The following JAKMIP1 variants were observed in gnomAD, a reference collection of about 807,000 sequenced individuals.
JAKMIP1 encodes the protein janus kinase and microtubule-interacting protein 1.
In JAKMIP1, 33 loss-of-function variants were observed where a neutral mutation model predicts 113.0. The ratio of observed to expected loss-of-function variants is 0.29; its 90% CI spans 0.22 to 0.39. The LOEUF is 0.39. Ranked by LOEUF, JAKMIP1 falls within the 10% of genes least tolerant of loss-of-function variation. The pLI is 1.00. For missense variants in JAKMIP1, 813 were observed against 1,080.5 expected, an observed-to-expected ratio of 0.75 and a Z score of 3.47; for synonymous variants, 480 against 459.9, an observed-to-expected ratio of 1.04 and a Z score of -0.56.
chr4:6,159,080 T>G (rs1722592229), intron 1 of JAKMIP1, among the ~76,000 whole-genome samples: 1 of 109,426 alleles, frequency 9.1e-6, no homozygotes, highest in African/African-American at 3.5e-5. Context: ...CAGAGCAAGA[T>G]CCTGTCTCAA....
At position 6,185,008 on chromosome 4, in the gene JAKMIP1, T is replaced by TC. The variant is rs1270283183; in HGVS notation, c.-148+15244dup. On this transcript the variant is annotated intron_variant, in intron 1 of 20. Transcript: ENST00000409021. This position sits in a 1 kb window ranked among gnomAD's most constrained non-coding sequence, Gnocchi z 5.3. ...TGCTTCCTCCCCTCGAACATCAGAC[T>TC]CCAAGTTCTTCAGCGTTTGGCCTCT... Among the ~76,000 whole-genome samples the TC allele has an allele frequency of 1.3e-5, 2 of 152,176 alleles. No individual in the cohort carries two copies. The highest frequency in any genetic ancestry group is 1.3e-4 in the Admixed American group (2 of 15,274).
In JAKMIP1 at chr4:6,181,230, T is replaced by C. The variant is rs1428081613; in HGVS notation, c.-148+19023A>G. Among the ~76,000 whole-genome samples the C allele has an allele frequency of 2.6e-5, 4 of 152,202 alleles. No homozygotes were observed. In the East Asian group the frequency reaches 7.7e-4, roughly 29 times the overall value. On this transcript the variant is annotated intron_variant, in intron 1 of 20. Transcript: ENST00000409021. The surrounding 1 kb of genome is among the most constrained non-coding windows in gnomAD (Gnocchi z 5.4). Reference sequence around the variant, plus strand: ...CACAAGGCTTTGTGAGATGTGCTGGTGGACGCAGTTCACATTTCTTAGGCT... The same window carrying C: ...CACAAGGCTTTGTGAGATGTGCTGGCGGACGCAGTTCACATTTCTTAGGCT...
In JAKMIP1 at chr4:6,061,015, C is replaced by A. The variant is rs141428836; in HGVS notation, c.1561-508G>T. ...AGAAAGTCATATAAATAAGGGAAGT[C>A]AACTGGGTGTGGGGTAACAGGGAGT... is the stretch of plus-strand genomic sequence containing the variant. On this transcript the variant is annotated intron_variant, in intron 10 of 20. Coordinates refer to ENST00000409021, the MANE Select transcript of JAKMIP1 (RefSeq NM_001099433.2). The surrounding 1 kb of genome is among the most constrained non-coding windows in gnomAD (Gnocchi z 5.3). Among the ~76,000 whole-genome samples, 157 of 152,304 alleles carry A rather than the reference C, an allele frequency of 1.0e-3. 1 individual carries two copies. Among genetic ancestry groups the A allele is most frequent in the African/African-American group, 3.5e-3 (147 of 41,574 alleles).
rs970710666 is a variant in JAKMIP1, at chr4:6,036,291, C to T, written c.2176-184G>A. On this transcript the variant is annotated intron_variant, in intron 18 of 20. Transcript: ENST00000409021. ...AGCAGGCTGTGAGGGAGCAACTCGG[C>T]CCCGCACACTTGTCATTTTTTACTC... Among the ~76,000 whole-genome samples the T allele has an allele frequency of 2.6e-5, 4 of 152,338 alleles. No homozygotes were observed. The South Asian group carries it at 8.3e-4, about 32-fold the overall frequency.
In JAKMIP1 at chr4:6,193,165, G is replaced by T. The variant is rs1727466756; in HGVS notation, c.-148+7088C>A. ...GCTTCCTGCCCTCGGACATCAGACT[G>T]CAAGTTCTTCAGCTTTTGGACTCTT... On this transcript the variant is annotated intron_variant, in intron 1 of 20. Transcript: ENST00000409021. The surrounding 1 kb of genome is among the most constrained non-coding windows in gnomAD (Gnocchi z 6.4). Among the ~76,000 whole-genome samples the T allele has an allele frequency of 1.3e-5, 2 of 152,136 alleles. No homozygotes were observed. The highest frequency in any genetic ancestry group is 4.1e-4 in the South Asian group (2 of 4,820).
rs1363761394 is a variant in JAKMIP1 at position 6,158,906 on chromosome 4, T to C, written c.-148+41347A>G. Among the ~76,000 whole-genome samples, 2 of 151,894 alleles carry C rather than the reference T, an allele frequency of 1.3e-5. No individual in the cohort carries two copies. The highest frequency in any genetic ancestry group is 1.9e-4 in the East Asian group (1 of 5,190). On this transcript the variant is annotated intron_variant, in intron 1 of 20. Coordinates refer to ENST00000409021, the MANE Select transcript of JAKMIP1 (RefSeq NM_001099433.2). This position sits in a 1 kb window ranked among gnomAD's most constrained non-coding sequence, Gnocchi z 5.3. The stretch of plus-strand genomic sequence containing the variant: ...GAGTTCGAGACCAGCCTGACCAACA[T>C]GGTGAAACCCCATCTCTACAAAAAA...
intron 1 of JAKMIP1, among the ~76,000 whole-genome samples, chr4:6,113,703 G>A (rs1438827313): frequency 1.3e-5 from 2 of 152,196 alleles, no homozygotes; most frequent in African/African-American, 4.8e-5. Flanking sequence ...ACCGCCCCAA[G>A]CTGCCTCGGA....
At chr4:6,160,963 C>T (rs1333582669) in intron 1 of JAKMIP1, among the ~76,000 whole-genome samples, 1 of 147,754 alleles carries the variant, frequency 6.8e-6, no homozygotes, top group Non-Finnish European at 1.5e-5. Context: ...GACCTCCACT[C>T]ACCTCCCTGA....
intron 3 of JAKMIP1, among the ~76,000 whole-genome samples, chr4:6,091,727 T>C (rs1006753539): frequency 3.9e-5 from 6 of 152,252 alleles, no homozygotes; most frequent in Admixed American, 3.9e-4. Flanking sequence ...TCAGTATTGG[T>C]GTGCTTGCAC....
At chr4:6,068,749 A>G (rs1179996400) in intron 8 of JAKMIP1, among the ~76,000 whole-genome samples, 4 of 151,800 alleles carry the variant, frequency 2.6e-5, no homozygotes, top group Admixed American at 6.6e-5. Context: ...TATTTTTCTT[A>G]AGTAGTGACA....
At chr4:6,166,465 G>A (rs1723645028) in intron 1 of JAKMIP1, among the ~76,000 whole-genome samples, 1 of 152,176 alleles carries the variant, frequency 6.6e-6, no homozygotes, top group South Asian at 2.1e-4. Flanking sequence ...TCCCACCCAA[G>A]CAATAACTGT....
rs567749663 is a variant in JAKMIP1, at chr4:6,143,549, C to G, written c.-147-30552G>C. On this transcript the variant is annotated intron_variant, in intron 1 of 20. Transcript: ENST00000409021. This position sits in a 1 kb window ranked among gnomAD's most constrained non-coding sequence, Gnocchi z 4.9. The stretch of plus-strand genomic sequence containing the variant: ...ACCTGGCCTCTTTCAGTTATGCCTC[C>G]AGCCCCTGGATAATATTTTTAAACT... Among the ~76,000 whole-genome samples the G allele has an allele frequency of 6.6e-6, 1 of 152,224 alleles. No individual in the cohort carries two copies. The highest frequency in any genetic ancestry group is 1.5e-5 in the Non-Finnish European group (1 of 68,040).
At chr4:6,063,850 C>T (rs1717666213) in intron 9 of JAKMIP1, among the ~76,000 whole-genome samples, 2 of 152,164 alleles carry the variant, frequency 1.3e-5, no homozygotes, top group African/African-American at 4.8e-5. Context: ...GATGTGGGGG[C>T]GCAAGGAGCT....
At position 6,049,786 on chromosome 4, in the gene JAKMIP1, A is replaced by C; in HGVS notation, c.1962+33T>G. The C allele has an allele frequency of 6.5e-7, 1 of 1,546,688 alleles. No individual in the cohort carries two copies. The highest frequency in any genetic ancestry group is 8.9e-7 in the Non-Finnish European group (1 of 1,119,798). On this transcript the variant is annotated intron_variant, in intron 15 of 20. Transcript: ENST00000409021. The surrounding 1 kb of genome is among the most constrained non-coding windows in gnomAD (Gnocchi z 7.0). ...AGAATACACCCAGATCAAAACAAGA[A>C]CACGAAAGCAGAAACCGATCGCTCA...
chr4:6,155,679 A>G lies in JAKMIP1; in HGVS notation c.-147-42682T>C, dbSNP rs1482470441. ...AAGGAAAATAAGCAGCCAACTAAAT[A>G]TTTGCTAAATATTCACCAACAACTG... On this transcript the variant is annotated intron_variant, in intron 1 of 20. Coordinates refer to ENST00000409021, the MANE Select transcript of JAKMIP1 (RefSeq NM_001099433.2). This position sits in a 1 kb window ranked among gnomAD's most constrained non-coding sequence, Gnocchi z 6.1. 6.6e-6 allele frequency among the ~76,000 whole-genome samples: 1 copy of G among 152,204 alleles called. No homozygotes were observed. Among genetic ancestry groups the G allele is most frequent in the East Asian group, 1.9e-4 (1 of 5,198 alleles).
chr4:6,133,359 A>G (rs111726229), intron 1 of JAKMIP1, among the ~76,000 whole-genome samples: 94 of 152,348 alleles, frequency 6.2e-4, no homozygotes, highest in African/African-American at 2.2e-3. Context: ...TTCCATATGA[A>G]AAAGGTTAGA....
chr4:6,184,529 C>T lies in JAKMIP1; in HGVS notation c.-148+15724G>A, dbSNP rs1726418983. The stretch of plus-strand genomic sequence containing the variant: ...TCAAGAAAATACTAGAAGCCAAGCA[C>T]ACCCTCCACCCTGAGCGCCAGTGTG... On this transcript the variant is annotated intron_variant, in intron 1 of 20. Coordinates refer to ENST00000409021, the MANE Select transcript of JAKMIP1 (RefSeq NM_001099433.2). This position sits in a 1 kb window ranked among gnomAD's most constrained non-coding sequence, Gnocchi z 4.5. Among the ~76,000 whole-genome samples, 1 of 152,184 alleles carries T rather than the reference C, an allele frequency of 6.6e-6. No individual in the cohort carries two copies. The highest frequency in any genetic ancestry group is 1.5e-5 in the Non-Finnish European group (1 of 68,044).
Position 6,165,990 on chromosome 4 carries a change from G to A in JAKMIP1, c.-148+34263C>T, listed in dbSNP as rs563177484. Among the ~76,000 whole-genome samples the A allele has an allele frequency of 2.6e-4, 39 of 152,098 alleles. No individual in the cohort carries two copies. The South Asian group carries it at 6.6e-3, about 26-fold the overall frequency. On this transcript the variant is annotated intron_variant, in intron 1 of 20. Coordinates refer to ENST00000409021, the MANE Select transcript of JAKMIP1 (RefSeq NM_001099433.2). Reference sequence around the variant, plus strand: ...GGGCTGCCGGCATTTCTGGGTTCGCGGACGCATCACTCTGCCCTCCACTCC... The same window carrying A: ...GGGCTGCCGGCATTTCTGGGTTCGCAGACGCATCACTCTGCCCTCCACTCC...
In JAKMIP1 at chr4:6,168,495, G is replaced by A. The variant is rs906314543; in HGVS notation, c.-148+31758C>T. ...GGAATGAAGTCTCAACACCTGCTAC[G>A]ACATGAATGAACCTGGAAAACATTC... On this transcript the variant is annotated intron_variant, in intron 1 of 20. Coordinates refer to ENST00000409021, the MANE Select transcript of JAKMIP1 (RefSeq NM_001099433.2). This position sits in a 1 kb window ranked among gnomAD's most constrained non-coding sequence, Gnocchi z 4.6. 3.3e-5 allele frequency among the ~76,000 whole-genome samples: 5 copies of A among 151,806 alleles called. No individual in the cohort carries two copies. Among genetic ancestry groups the A allele is most frequent in the East Asian group, 1.9e-4 (1 of 5,186 alleles).
Sources: allele counts gnomAD v4.1 joint callset (sites outside exome capture counted in the v4.1 genomes callset), GRCh38; gene constraint gnomAD v4.1.1; non-coding constraint Gnocchi (gnomAD v3.1); transcripts MANE v1.5; gene names NCBI Gene and HGNC (gene_info 2026-07-23, HGNC 2026-07-21).